Variants in ZAP70 observed in about 807,000 individuals in gnomAD.
ZAP70 encodes the protein tyrosine-protein kinase ZAP-70.
Under a neutral mutation model 65.8 loss-of-function variants are expected in ZAP70, and 27 were observed. The ratio of observed to expected loss-of-function variants is 0.41; its 90% CI spans 0.30 to 0.57. The LOEUF is 0.57. ZAP70 is among the 20% of genes least tolerant of loss of function. ZAP70 has a pLI of 0.28. For missense variants in ZAP70, 696 were observed against 870.5 expected (o/e 0.80, Z 2.52); for synonymous variants, 363 against 360.8 (o/e 1.01, Z -0.07).
At chr2:97,734,266 G>A in intron 8 of ZAP70, 1 of 1,052,884 alleles carries the variant, frequency 9.5e-7, no homozygotes, top group Non-Finnish European at 1.3e-6. Context: ...CACAGTAACG[G>A]TGCCACGTGG....
At chr2:97,738,871 C>T (rs893447504) in intron 13 of ZAP70, among the ~76,000 whole-genome samples, 1 of 152,086 alleles carries the variant, frequency 6.6e-6, no homozygotes, top group African/African-American at 2.4e-5. Context: ...ACCTAGCACC[C>T]CAACACAGTC....
At chr2:97,749,299 G>A in the ZAP70 span, among the ~76,000 whole-genome samples, 6 of 152,292 alleles carry the variant, frequency 3.9e-5, no homozygotes, top group East Asian at 7.7e-4. Context: ...ATGAGGCACC[G>A]CGCCCGGCTG....
chr2:97,754,461 G>A, the ZAP70 span, among the ~76,000 whole-genome samples: 9 of 152,108 alleles, frequency 5.9e-5, no homozygotes, highest in Non-Finnish European at 8.8e-5. Context: ...GGAGTGCAGT[G>A]GTATGATCTT....
intron 2 of ZAP70, among the ~76,000 whole-genome samples, chr2:97,721,676 C>T (rs1485496025): frequency 1.3e-5 from 2 of 150,592 alleles, no homozygotes; most frequent in East Asian, 3.9e-4. Flanking sequence ...TTGTGATCCA[C>T]CCGCCTCGGC....
At chr2:97,724,598 G>A (rs958031543) in intron 3 of ZAP70, 160 bp downstream of exon 3, 2 of 1,533,980 alleles carry the variant, frequency 1.3e-6, no homozygotes, top group African/African-American at 2.7e-5. Context: ...AACCTGAAAG[G>A]AGGCCTCAGA....
rs771987055 is a variant in ZAP70 at position 97,739,505 on chromosome 2, G to A, written c.*7G>A. On this transcript the variant is annotated 3_prime_UTR_variant, in exon 14 of 14. Transcript: ENST00000264972. ...TGAGGCTGCCTGTGCCTGAGCTCCCGCTGCCCAGGGGAGCCCTCCACGCCG... is the reference window on the plus strand; with the variant it reads ...TGAGGCTGCCTGTGCCTGAGCTCCCACTGCCCAGGGGAGCCCTCCACGCCG... 18 of 1,611,244 alleles carry A rather than the reference G, an allele frequency of 1.1e-5. No individual in the cohort carries two copies. The highest frequency in any genetic ancestry group is 4.5e-5 in the East Asian group (2 of 44,830).
rs1559326990 is a variant in ZAP70, at chr2:97,734,506, CTG to C, written c.890-7_890-6del. 3.7e-6 allele frequency: 6 copies of C among 1,612,104 alleles called. No individual in the cohort carries two copies. Among genetic ancestry groups the C allele is most frequent in the Non-Finnish European group, 5.1e-6 (6 of 1,179,296 alleles). The stretch of plus-strand genomic sequence containing the variant: ...CTGCCCCTGACCTGGGAGTGTACCG[CTG>C]TGTGTGCCCAGCACGCATAACGTCC... On this transcript the variant is annotated splice_polypyrimidine_tract_variant and intron_variant, in intron 8 of 13. Coordinates refer to ENST00000264972, the MANE Select transcript of ZAP70 (RefSeq NM_001079.4).
chr2:97,755,068 G>GTAAC, the ZAP70 span, among the ~76,000 whole-genome samples: 2 of 152,186 alleles, frequency 1.3e-5, no homozygotes, highest in African/African-American at 4.8e-5. Flanking sequence ...ATTTCATGAT[G>GTAAC]TAACTAGCCT....
rs56059280 is a variant in ZAP70 at position 97,737,651 on chromosome 2, G to A, written c.1468G>A (p.Asp490Asn). 2.2e-5 allele frequency: 35 copies of A among 1,613,954 alleles called. No homozygotes were observed. The highest frequency in any genetic ancestry group is 2.7e-5 in the African/African-American group (2 of 74,912). Residue 490 changes from aspartate (D) to asparagine (N), a missense_variant, in exon 11 of 14, where the codon GAC becomes AAC. Around this residue, in one of 3 missense-constraint regions of ZAP70, gnomAD observed 67 missense variants for 151.9 expected, o/e 0.44. Transcript: ENST00000264972. The surrounding 1 kb of genome is among the most constrained non-coding windows in gnomAD (Gnocchi z 5.0). ...FGLSKALGAD[D>N]SYYTARSAGK... ...CCTCTCCAAAGCACTGGGTGCCGAC[G>A]ACAGCTACTACACTGTAAGCCTCTG...
Position 97,733,586 on chromosome 2 carries a change from C to A in ZAP70, c.880C>A (p.Pro294Thr). 2 of 1,613,650 alleles carry A rather than the reference C, an allele frequency of 1.2e-6. No homozygotes were observed. Among genetic ancestry groups the A allele is most frequent in the South Asian group, 1.1e-5 (1 of 91,074 alleles). ...IDTLNSDGYTPEPARITSPDK... is the reference protein window; with the variant it reads ...IDTLNSDGYTTEPARITSPDK... The stretch of plus-strand genomic sequence containing the variant: ...CACCCTCAACTCAGATGGATACACC[C>A]CTGAGCCAGGTGAGCGGGCAGAGGT... The change falls in exon 8 of 14, where the codon CCT (proline) becomes ACT (threonine). Residue 294 changes from proline to threonine, a missense_variant. Physicochemically the swap from Pro to Thr is conservative, Grantham distance 38 (BLOSUM62 -1). This residue lies in a region of ZAP70 where 551 missense variants were observed against 630.0 expected (regional missense o/e 0.87). Transcript: ENST00000264972.
At position 97,731,246 on chromosome 2, in the gene ZAP70, C is replaced by G. The variant is rs73963107; in HGVS notation, c.564-1637C>G. On this transcript the variant is annotated intron_variant, in intron 4 of 13. Coordinates refer to ENST00000264972, the MANE Select transcript of ZAP70 (RefSeq NM_001079.4). The surrounding 1 kb of genome is among the most constrained non-coding windows in gnomAD (Gnocchi z 4.0). Reference sequence around the variant, plus strand: ...CCAGCCTGCCACCTGCCTCTGACTTCCACAGCTCTGAGACCCCCAGGGCCA... The same window carrying G: ...CCAGCCTGCCACCTGCCTCTGACTTGCACAGCTCTGAGACCCCCAGGGCCA... Among the ~76,000 whole-genome samples, 14,700 of 152,100 alleles carry G rather than the reference C, an allele frequency of 0.097. 845 individuals are homozygous for G. The highest frequency in any genetic ancestry group is 0.16 in the Middle Eastern group (47 of 292).
At chr2:97,743,741 A>G (rs2104717815), downstream of ZAP70, among the ~76,000 whole-genome samples, 1 of 152,294 alleles carries the variant, frequency 6.6e-6, no homozygotes, top group Middle Eastern at 3.4e-3. Flanking sequence ...CTATTTCCTC[A>G]GACGTAAATT....
At chr2:97,742,929 TTC>T (rs1456492057), downstream of ZAP70, among the ~76,000 whole-genome samples, 1 of 152,160 alleles carries the variant, frequency 6.6e-6, no homozygotes, top group African/African-American at 2.4e-5. Flanking sequence ...GACATTAAGG[TTC>T]TGTTTAATTC....
intron 2 of ZAP70, among the ~76,000 whole-genome samples, chr2:97,722,803 G>A (rs1020387588): frequency 1.3e-5 from 2 of 152,238 alleles, no homozygotes; most frequent in East Asian, 1.9e-4. Context: ...CATCCCTCTC[G>A]CTCTGTTCGT....
chr2:97,740,532 G>A (rs1160474860), downstream of ZAP70, among the ~76,000 whole-genome samples: 2 of 152,142 alleles, frequency 1.3e-5, no homozygotes, highest in Non-Finnish European at 2.9e-5. Flanking sequence ...TCATCATTAT[G>A]TTTCATGTCA....
Position 97,739,772 on chromosome 2 carries a change from GA to G in ZAP70, c.*275del. 3.9e-6 allele frequency: 2 copies of G among 508,618 alleles called. No individual in the cohort carries two copies. The highest frequency in any genetic ancestry group is 7.0e-6 in the Non-Finnish European group (2 of 284,462). The allele number at this position is 508,618 out of a possible 1,614,324, so 31.5% of individuals were successfully genotyped here. A position where few individuals can be genotyped will look rare whatever the true frequency, so the allele number is the denominator to read the frequency against. On this transcript the variant is annotated 3_prime_UTR_variant, in exon 14 of 14. Transcript: ENST00000264972. The stretch of plus-strand genomic sequence containing the variant: ...CTGAGCTGAGGGCATTGCTTACACG[GA>G]TGCCTTCCCCTGGGCCCTGACATTG...
At chr2:97,740,561 A>C (rs184255415), downstream of ZAP70, among the ~76,000 whole-genome samples, 107 of 152,276 alleles carry the variant, frequency 7.0e-4, no homozygotes, top group South Asian at 6.8e-3. Context: ...GATGAAAGTA[A>C]TCTTATTTTA....
At chr2:97,741,598 G>A (rs1234353262), downstream of ZAP70, among the ~76,000 whole-genome samples, 1 of 152,068 alleles carries the variant, frequency 6.6e-6, no homozygotes, top group East Asian at 1.9e-4. Context: ...TGGGTATGGA[G>A]GAGAGGGGCT....
chr2:97,749,074 A>G, the ZAP70 span, among the ~76,000 whole-genome samples: 1 of 147,756 alleles, frequency 6.8e-6, no homozygotes, highest in Non-Finnish European at 1.5e-5. Context: ...CAGTGGCGCA[A>G]TCTCGGCTCA....
Sources: gnomAD v4.1 joint callset for allele counts (sites outside exome capture counted in the v4.1 genomes callset) on GRCh38, gnomAD v4.1.1 for gene constraint, gnomAD v4.1.1 regional missense constraint, Gnocchi (gnomAD v3.1) non-coding constraint, MANE v1.5 for transcripts, NCBI Gene and HGNC (gene_info 2026-07-23, HGNC 2026-07-21) for gene names.